The following UHRF2 variants were observed in gnomAD, a reference collection of about 807,000 sequenced individuals.
UHRF2 encodes the protein E3 ubiquitin-protein ligase UHRF2.
Under a neutral mutation model 96.8 loss-of-function variants are expected in UHRF2, and 23 were observed. The ratio of observed to expected loss-of-function variants is 0.24; its 90% CI spans 0.17 to 0.34. The LOEUF (loss-of-function observed/expected upper bound fraction) is 0.34. UHRF2 is among the 10% of genes least tolerant of loss of function. The pLI is 1.00. For synonymous variants in UHRF2, 385 were observed against 332.6 expected (o/e 1.16, Z -1.72); for missense variants, 685 against 981.5 (o/e 0.70, Z 4.04).
intron 1 of UHRF2, among the ~76,000 whole-genome samples, chr9:6,418,114 C>T (rs1320703558): frequency 1.3e-5 from 2 of 152,010 alleles, no homozygotes; most frequent in African/African-American, 4.8e-5. Flanking sequence ...TTTTCAGCTC[C>T]TCCAGAATTA....
At chr9:6,484,076 T>TC (rs1461600430) in intron 8 of UHRF2, among the ~76,000 whole-genome samples, 3 of 150,466 alleles carry the variant, frequency 2.0e-5, no homozygotes, top group African/African-American at 4.9e-5. Flanking sequence ...TTTCTTTCTT[T>TC]TTTTTTTTTT....
intron 2 of UHRF2, among the ~76,000 whole-genome samples, chr9:6,430,176 A>C (rs1172920848): frequency 4.6e-5 from 7 of 152,086 alleles, no homozygotes; most frequent in African/African-American, 1.4e-4. Flanking sequence ...ATGCCCGGCT[A>C]ATTTTGTACT....
At chr9:6,459,504 A>C (rs1050337336) in intron 3 of UHRF2, among the ~76,000 whole-genome samples, 6 of 152,188 alleles carry the variant, frequency 3.9e-5, no homozygotes, top group Admixed American at 3.9e-4. Flanking sequence ...CCCCGTCTCT[A>C]CTAAAAATTC....
At chr9:6,446,826 CAG>C (rs1821539162) in intron 3 of UHRF2, among the ~76,000 whole-genome samples, 1 of 151,636 alleles carries the variant, frequency 6.6e-6, no homozygotes, top group Non-Finnish European at 1.5e-5. Flanking sequence ...GCCTGGGTGA[CAG>C]AGTGAGACTC....
intron 14 of UHRF2, among the ~76,000 whole-genome samples, chr9:6,502,659 C>T (rs1816363050): frequency 6.6e-6 from 1 of 152,198 alleles, no homozygotes; most frequent in Non-Finnish European, 1.5e-5. Flanking sequence ...TCCAGGAGAG[C>T]ACAGACTGCC....
chr9:6,462,370 T>G (rs1822596507), intron 4 of UHRF2, among the ~76,000 whole-genome samples: 1 of 152,084 alleles, frequency 6.6e-6, no homozygotes, highest in Admixed American at 6.6e-5. Context: ...CTTAACATTT[T>G]AGAGAACAGA....
intron 4 of UHRF2, among the ~76,000 whole-genome samples, chr9:6,467,756 G>A (rs1822966709): frequency 6.6e-6 from 1 of 151,984 alleles, no homozygotes; most frequent in Non-Finnish European, 1.5e-5. Flanking sequence ...TAAATACTCT[G>A]CTTGAGCCTT....
At chr9:6,455,565 T>A (rs560601138) in intron 3 of UHRF2, among the ~76,000 whole-genome samples, 1 of 152,322 alleles carries the variant, frequency 6.6e-6, no homozygotes, top group African/African-American at 2.4e-5. Context: ...TGGTTCCAAG[T>A]CTTTGCTATT....
chr9:6,495,366 T>C (rs1307963930), intron 10 of UHRF2: 2 of 152,184 alleles, frequency 1.3e-5, no homozygotes, highest in African/African-American at 4.8e-5. Flanking sequence ...ATCTGGTCAG[T>C]TTATACGTTA....
At chr9:6,479,014 ACT>A (rs1383626908) in intron 6 of UHRF2, among the ~76,000 whole-genome samples, 2 of 152,012 alleles carry the variant, frequency 1.3e-5, no homozygotes, top group Non-Finnish European at 2.9e-5. Flanking sequence ...CTTTCCAGAA[ACT>A]TCACTTCTTC....
intron 3 of UHRF2, among the ~76,000 whole-genome samples, chr9:6,440,540 A>T (rs1348720227): frequency 6.6e-6 from 1 of 152,188 alleles, no homozygotes; most frequent in South Asian, 2.1e-4. Flanking sequence ...TTATATAAAT[A>T]TTTAATTGCA....
At chr9:6,445,546 C>G (rs1434448892) in intron 3 of UHRF2, among the ~76,000 whole-genome samples, 1 of 152,174 alleles carries the variant, frequency 6.6e-6, no homozygotes, top group East Asian at 1.9e-4. Flanking sequence ...CAGAGGTGAG[C>G]CACCACGCCT....
intron 3 of UHRF2, among the ~76,000 whole-genome samples, chr9:6,459,593 C>T (rs1322318120): frequency 6.6e-6 from 1 of 152,174 alleles, no homozygotes; most frequent in Non-Finnish European, 1.5e-5. Flanking sequence ...CACTTGAACC[C>T]AGGAGGTGGA....
At chr9:6,498,212 T>C in intron 12 of UHRF2, 54 bp downstream of exon 12, 8 of 1,571,030 alleles carry the variant, frequency 5.1e-6, no homozygotes, top group Non-Finnish European at 6.9e-6. Context: ...ATACACCTCT[T>C]CTATCTACAT....
At chr9:6,496,470 A>G (rs1824977687) in intron 10 of UHRF2, 2 of 152,234 alleles carry the variant, frequency 1.3e-5, no homozygotes, top group African/African-American at 2.4e-5. Flanking sequence ...GTGAATGCAT[A>G]TACTAAATAA....
chr9:6,497,429 A>G, intron 11 of UHRF2, 69 bp downstream of exon 11: 1 of 1,561,658 alleles, frequency 6.4e-7, no homozygotes, highest in South Asian at 1.2e-5. Context: ...TGTTGCAAGG[A>G]ACTACTGTGG....
intron 3 of UHRF2, among the ~76,000 whole-genome samples, chr9:6,454,361 AG>A (rs1483659190): frequency 6.6e-6 from 1 of 152,222 alleles, no homozygotes; most frequent in African/African-American, 2.4e-5. Flanking sequence ...GAATTAGGAA[AG>A]ATGATGATTG....
rs933674964 is a variant in UHRF2 at position 6,478,683 on chromosome 9, C to T, written c.1160+875C>T. Among the ~76,000 whole-genome samples, 5 of 152,044 alleles carry T rather than the reference C, an allele frequency of 3.3e-5. No individual in the cohort carries two copies. The East Asian group carries it at 7.7e-4, about 23-fold the overall frequency. On this transcript the variant is annotated intron_variant, in intron 6 of 15. Transcript: ENST00000276893. ...GGTGAGCGTTTTTAAGTAAGACGGA[C>T]GACTGAGTCAGAAATAACTGATGTC...
chr9:6,486,308 G>C (rs16924631), intron 8 of UHRF2, among the ~76,000 whole-genome samples: 25,706 of 152,124 alleles, frequency 0.17, 2,323 homozygotes, highest in East Asian at 0.27. Flanking sequence ...AGATGGATTT[G>C]AGAAATTTAG....
Sources: allele counts gnomAD v4.1 joint callset (sites outside exome capture counted in the v4.1 genomes callset), GRCh38; gene constraint gnomAD v4.1.1; transcripts MANE v1.5; gene names NCBI Gene and HGNC (gene_info 2026-07-23, HGNC 2026-07-21).